Variants in CHST15 observed in about 807,000 individuals in gnomAD.
CHST15 encodes the protein B cell RAG associated protein (GALNAC4S-6ST).
CHST15 carries 30 observed loss-of-function variants against 53.6 expected under a neutral mutation model. The observed-to-expected ratio is 0.56, with a 90% CI of 0.42 to 0.76. CHST15 has a LOEUF of 0.76. Among genes scored for constraint, CHST15 ranks in the 30% least tolerant of loss-of-function variants. The probability of loss-of-function intolerance (pLI) is 0.00; values close to 1 mark genes in which losing one functional copy is unlikely to be tolerated. For synonymous variants in CHST15, 296 were observed against 289.8 expected (o/e 1.02, Z -0.22); for missense variants, 627 against 740.5 (o/e 0.85, Z 1.78).
chr10:124,075,760 C>T (rs574028383), intron 1 of CHST15, among the ~76,000 whole-genome samples: 1 of 152,334 alleles, frequency 6.6e-6, no homozygotes, highest in South Asian at 2.1e-4. Flanking sequence ...TCCTCTCTCC[C>T]TCTCCACTGG....
intron 1 of CHST15, among the ~76,000 whole-genome samples, chr10:124,077,968 T>C (rs1039099997): frequency 3.3e-5 from 5 of 152,208 alleles, no homozygotes; most frequent in African/African-American, 1.2e-4. Context: ...CAAACCAAAC[T>C]AGGCTGCAGA....
At chr10:124,021,464 C>T in intron 5 of CHST15, 52 bp from the exon 6 acceptor site, 1 of 1,561,660 alleles carries the variant, frequency 6.4e-7, no homozygotes, top group Non-Finnish European at 8.7e-7. Flanking sequence ...TGCAATCACA[C>T]CATTTGGGCG....
chr10:124,028,203 T>C (rs1947084933), intron 5 of CHST15, among the ~76,000 whole-genome samples: 1 of 152,162 alleles, frequency 6.6e-6, no homozygotes, highest in Non-Finnish European at 1.5e-5. Flanking sequence ...CAAAAGGGAA[T>C]TCAGGCATCT....
intron 1 of CHST15, among the ~76,000 whole-genome samples, chr10:124,066,947 C>T (rs1234422457): frequency 6.6e-6 from 1 of 152,270 alleles, no homozygotes; most frequent in African/African-American, 2.4e-5. Flanking sequence ...TCTTCCTATC[C>T]CCACTAGGAC....
At chr10:124,083,147 C>T (rs1474714839) in intron 1 of CHST15, among the ~76,000 whole-genome samples, 1 of 152,060 alleles carries the variant, frequency 6.6e-6, no homozygotes, top group East Asian at 1.9e-4. Flanking sequence ...CAAAAGTCTG[C>T]TTTATGATTT....
chr10:124,042,575 G>C (rs1052176121), intron 3 of CHST15, 128 bp from the exon 4 acceptor site: 4 of 1,026,996 alleles, frequency 3.9e-6, no homozygotes, highest in African/African-American at 1.6e-5. Context: ...AAGAGGCTCA[G>C]CCCAGGTAAG....
At chr10:124,072,755 G>A (rs1374932456) in intron 1 of CHST15, among the ~76,000 whole-genome samples, 4 of 152,152 alleles carry the variant, frequency 2.6e-5, no homozygotes, top group Non-Finnish European at 5.9e-5. Context: ...AACCCCATCC[G>A]CAAGTTCAGA....
At chr10:124,093,252 C>G (rs1234278993) in intron 1 of CHST15, among the ~76,000 whole-genome samples, 1 of 151,554 alleles carries the variant, frequency 6.6e-6, no homozygotes, top group African/African-American at 2.4e-5. Flanking sequence ...TGGGCCGCCG[C>G]CGCCACCGCC....
chr10:124,012,586 C>G, intron 6 of CHST15, 106 bp from the exon 7 acceptor site: 1 of 1,275,228 alleles, frequency 7.8e-7, no homozygotes, highest in Non-Finnish European at 1.1e-6. Flanking sequence ...AAGAGTTATC[C>G]TAGCAAAGTT....
chr10:124,055,103 T>A (rs1440750947), intron 1 of CHST15, among the ~76,000 whole-genome samples: 2 of 152,138 alleles, frequency 1.3e-5, no homozygotes, highest in Non-Finnish European at 2.9e-5. Flanking sequence ...CCCATAGATC[T>A]CCCAGAGACT....
At chr10:124,013,034 C>A (rs565595558) in intron 6 of CHST15, among the ~76,000 whole-genome samples, 74 of 152,340 alleles carry the variant, frequency 4.9e-4, no homozygotes, top group Non-Finnish European at 9.7e-4. Flanking sequence ...TTCTACTTTC[C>A]AGTACCCATT....
At chr10:124,069,484 C>T (rs532902729) in intron 1 of CHST15, among the ~76,000 whole-genome samples, 119 of 152,222 alleles carry the variant, frequency 7.8e-4, no homozygotes, top group Non-Finnish European at 1.3e-3. Context: ...GACGGGGAGT[C>T]CAGGGTCTCT....
chr10:124,015,425 A>G (rs544252323), intron 6 of CHST15, among the ~76,000 whole-genome samples: 21 of 152,142 alleles, frequency 1.4e-4, no homozygotes, highest in African/African-American at 5.1e-4. Context: ...GTCAGTGGCC[A>G]ATACCCTTGG....
intron 1 of CHST15, among the ~76,000 whole-genome samples, chr10:124,057,777 G>A (rs1200206205): frequency 1.3e-5 from 2 of 152,154 alleles, no homozygotes; most frequent in African/African-American, 4.8e-5. Flanking sequence ...GAGGGAGAAT[G>A]GGGTCTTTTT....
intron 3 of CHST15, among the ~76,000 whole-genome samples, chr10:124,042,649 C>T (rs1947788709): frequency 1.3e-5 from 2 of 152,160 alleles, no homozygotes. Flanking sequence ...CACTTCAATC[C>T]ATGCATGCTT....
chr10:124,015,918 G>A (rs1161682266), intron 6 of CHST15, among the ~76,000 whole-genome samples: 1 of 152,244 alleles, frequency 6.6e-6, no homozygotes, highest in Non-Finnish European at 1.5e-5. Flanking sequence ...GGAGGGAGTG[G>A]TGACGAGCCC....
At chr10:124,070,052 T>C (rs1948865381) in intron 1 of CHST15, among the ~76,000 whole-genome samples, 1 of 152,180 alleles carries the variant, frequency 6.6e-6, no homozygotes, top group Non-Finnish European at 1.5e-5. Context: ...ACAAATGATA[T>C]AGCCTGGCTG....
At chr10:124,040,924 C>G (rs1356390248) in intron 4 of CHST15, among the ~76,000 whole-genome samples, 1 of 152,212 alleles carries the variant, frequency 6.6e-6, no homozygotes, top group East Asian at 1.9e-4. Flanking sequence ...TTATCTTAGT[C>G]TCTGTTTCCT....
At chr10:124,065,264 T>G (rs942478111) in intron 1 of CHST15, among the ~76,000 whole-genome samples, 1 of 152,066 alleles carries the variant, frequency 6.6e-6, no homozygotes, top group Non-Finnish European at 1.5e-5. Context: ...GTGCCTACAG[T>G]CCCAGCTACT....
Sources: allele counts gnomAD v4.1 joint callset (sites outside exome capture counted in the v4.1 genomes callset), GRCh38; gene constraint gnomAD v4.1.1; transcripts MANE v1.5; gene names NCBI Gene and HGNC (gene_info 2026-07-23, HGNC 2026-07-21).